Variants in TMEM117 observed in about 807,000 individuals in gnomAD.
TMEM117 encodes transmembrane protein 117.
TMEM117 carries 27 observed loss-of-function variants against 52.4 expected under a neutral mutation model. The observed-to-expected ratio is 0.51, with a 90% CI of 0.38 to 0.71. The LOEUF is 0.71. Among genes scored for constraint, TMEM117 ranks in the 30% least tolerant of loss-of-function variants. TMEM117 has a pLI of 0.00. For synonymous variants in TMEM117, 215 were observed against 206.3 expected, an observed-to-expected ratio of 1.04 and a Z score of -0.36; for missense variants, 556 against 630.5, an observed-to-expected ratio of 0.88 and a Z score of 1.26.
intron 6 of TMEM117, among the ~76,000 whole-genome samples, chr12:44,357,893 T>A (rs1282519391): frequency 6.6e-6 from 1 of 152,174 alleles, no homozygotes; most frequent in East Asian, 1.9e-4. Context: ...ACAGCACTAT[T>A]CACAATAGCA....
At chr12:44,218,245 T>C (rs1192085811) in intron 5 of TMEM117, among the ~76,000 whole-genome samples, 2 of 150,554 alleles carry the variant, frequency 1.3e-5, no homozygotes, top group African/African-American at 2.4e-5. Context: ...AACAAAAAAC[T>C]AGCAAACCAA....
At chr12:43,907,736 A>G (rs1468396616) in intron 2 of TMEM117, among the ~76,000 whole-genome samples, 2 of 151,918 alleles carry the variant, frequency 1.3e-5, no homozygotes, top group East Asian at 3.9e-4. Context: ...AACTGGAAGA[A>G]AGAGTATCAG....
At chr12:44,138,331 T>A (rs1356949782) in intron 3 of TMEM117, among the ~76,000 whole-genome samples, 1 of 152,112 alleles carries the variant, frequency 6.6e-6, no homozygotes, top group Non-Finnish European at 1.5e-5. Flanking sequence ...AGCATAGATT[T>A]GAGAGCCTTT....
At chr12:44,119,377 C>G (rs942821171) in intron 3 of TMEM117, among the ~76,000 whole-genome samples, 3 of 152,192 alleles carry the variant, frequency 2.0e-5, no homozygotes, top group African/African-American at 7.2e-5. Context: ...GCTCATGGTT[C>G]TGGTTCTTCT....
intron 5 of TMEM117, among the ~76,000 whole-genome samples, chr12:44,268,196 G>C (rs529093433): frequency 6.6e-6 from 1 of 151,496 alleles, no homozygotes; most frequent in East Asian, 1.9e-4. Flanking sequence ...GGAGTGCAAT[G>C]ACGTGATCTC....
intron 2 of TMEM117, among the ~76,000 whole-genome samples, chr12:43,928,542 C>G (rs1215737974): frequency 6.6e-6 from 1 of 151,954 alleles, no homozygotes; most frequent in Non-Finnish European, 1.5e-5. Context: ...ACATAACTAT[C>G]AAATATTTGC....
chr12:43,851,200 G>T (rs912057013), intron 2 of TMEM117, among the ~76,000 whole-genome samples: 3 of 152,126 alleles, frequency 2.0e-5, no homozygotes, highest in African/African-American at 7.2e-5. Flanking sequence ...GAGAAAGAGT[G>T]AATGATTCTG....
At chr12:44,131,282 C>T (rs1057220291) in intron 3 of TMEM117, among the ~76,000 whole-genome samples, 26 of 152,058 alleles carry the variant, frequency 1.7e-4, no homozygotes, top group African/African-American at 6.0e-4. Context: ...TCTTAGTTTC[C>T]AATGATCTGG....
At chr12:44,201,327 G>A (rs569369604) in intron 4 of TMEM117, among the ~76,000 whole-genome samples, 1 of 152,210 alleles carries the variant, frequency 6.6e-6, no homozygotes, top group African/African-American at 2.4e-5. Flanking sequence ...TCAATGAGCA[G>A]AATTGAAAGC....
intron 6 of TMEM117, among the ~76,000 whole-genome samples, chr12:44,347,603 GT>G (rs1160301008): frequency 1.3e-5 from 2 of 151,980 alleles, no homozygotes; most frequent in Non-Finnish European, 2.9e-5. Flanking sequence ...ATCTGACACT[GT>G]TCCCCCAATA....
At chr12:43,803,709 G>C in the TMEM117 span, among the ~76,000 whole-genome samples, 1,989 of 152,066 alleles carry the variant, frequency 0.013, 26 homozygotes, top group Non-Finnish European at 0.021. Flanking sequence ...TATTCCTATT[G>C]AATGTTGTAT....
At chr12:43,800,695 T>C in the TMEM117 span, among the ~76,000 whole-genome samples, 1 of 152,200 alleles carries the variant, frequency 6.6e-6, no homozygotes, top group African/African-American at 2.4e-5. Flanking sequence ...TAACCGTCAT[T>C]AACATGGGCA....
intron 3 of TMEM117, among the ~76,000 whole-genome samples, chr12:43,970,490 A>G (rs967095572): frequency 1.3e-5 from 2 of 151,974 alleles, no homozygotes; most frequent in African/African-American, 4.8e-5. Context: ...GGGTTTCGCC[A>G]TGTTAACCAG....
chr12:44,221,794 G>A (rs990966969), intron 5 of TMEM117, among the ~76,000 whole-genome samples: 2 of 151,782 alleles, frequency 1.3e-5, no homozygotes, highest in Non-Finnish European at 2.9e-5. Context: ...CATCTCCCAG[G>A]CTCAAGCAAT....
intron 4 of TMEM117, among the ~76,000 whole-genome samples, chr12:44,197,086 G>C (rs1334117099): frequency 2.0e-5 from 3 of 152,158 alleles, no homozygotes; most frequent in Non-Finnish European, 4.4e-5. Context: ...CTGGGAGACT[G>C]AGCTAACTCT....
At chr12:44,041,412 G>A (rs1337579329) in intron 3 of TMEM117, among the ~76,000 whole-genome samples, 1 of 151,740 alleles carries the variant, frequency 6.6e-6, no homozygotes, top group African/African-American at 2.4e-5. Flanking sequence ...TGCATGCAAT[G>A]TTCTCTGACC....
At chr12:44,311,833 A>G (rs1317263998) in intron 6 of TMEM117, among the ~76,000 whole-genome samples, 1 of 118,442 alleles carries the variant, frequency 8.4e-6, no homozygotes. Flanking sequence ...GTATATATGT[A>G]TATATGTATA....
At chr12:43,895,471 G>A (rs1944184059) in intron 2 of TMEM117, among the ~76,000 whole-genome samples, 1 of 152,112 alleles carries the variant, frequency 6.6e-6, no homozygotes, top group South Asian at 2.1e-4. Flanking sequence ...GCGTGCATGT[G>A]TCTTGTTATA....
At chr12:44,214,860 G>A (rs1169857569) in intron 5 of TMEM117, among the ~76,000 whole-genome samples, 1 of 152,152 alleles carries the variant, frequency 6.6e-6, no homozygotes, top group Non-Finnish European at 1.5e-5. Context: ...TAGAAATTAT[G>A]TGGGAAGTAA....
Sources: gnomAD v4.1 joint callset for allele counts (sites outside exome capture counted in the v4.1 genomes callset) on GRCh38, gnomAD v4.1.1 for gene constraint, MANE v1.5 for transcripts, NCBI Gene and HGNC (gene_info 2026-07-23, HGNC 2026-07-21) for gene names.